CSMD1: variants seen among roughly 807,000 people sequenced by gnomAD.
CSMD1 encodes the protein CUB and Sushi multiple domains 1, also known as CUB and sushi domain-containing protein 1.
A neutral mutation model predicts 417.5 loss-of-function variants in CSMD1; 213 were observed. That is an observed-to-expected ratio of 0.51 (90% CI 0.46 to 0.57). The LOEUF (loss-of-function observed/expected upper bound fraction) is 0.57, where lower values mean the gene tolerates loss of function less well. CSMD1 is among the 20% of genes least tolerant of loss of function. The pLI is 0.00. For synonymous variants in CSMD1, 2,862 were observed against 1,736.8 expected, an observed-to-expected ratio of 1.65 and a Z score of -16.11; for missense variants, 6,923 against 4,529.7, an observed-to-expected ratio of 1.53 and a Z score of -15.17.
At chr8:3,359,016 G>T in intron 21 of CSMD1, 136 bp downstream of exon 21, 2 of 729,360 alleles carry the variant, frequency 2.7e-6, no homozygotes, top group Non-Finnish European at 4.5e-6. Context: ...CCCCTGGTTG[G>T]CAGAGTGGAG....
intron 49 of CSMD1, among the ~76,000 whole-genome samples, chr8:3,058,723 C>G (rs1228950384): frequency 6.6e-6 from 1 of 151,940 alleles, no homozygotes; most frequent in Non-Finnish European, 1.5e-5. Flanking sequence ...TTCTAACAGG[C>G]TGCGTGGTCT....
chr8:4,633,641 C>G (rs371522729), intron 2 of CSMD1, among the ~76,000 whole-genome samples: 1 of 152,138 alleles, frequency 6.6e-6, no homozygotes, highest in African/African-American at 2.4e-5. Flanking sequence ...ACTGCAACCT[C>G]CATTTCCCAG....
intron 1 of CSMD1, among the ~76,000 whole-genome samples, chr8:4,824,081 T>TA (rs1563503215): frequency 2.5e-5 from 2 of 81,004 alleles, no homozygotes; most frequent in African/African-American, 9.2e-5. Context: ...CAAATAAATA[T>TA]CCACACACAC....
intron 23 of CSMD1, 25 bp from the exon 24 acceptor site, chr8:3,308,528 G>A (rs762983194): frequency 6.3e-7 from 1 of 1,586,912 alleles, no homozygotes; most frequent in Non-Finnish European, 8.6e-7. Flanking sequence ...GGCAAGGAAT[G>A]AACAGAACTC....
chr8:3,508,790 C>T (rs994207528), intron 10 of CSMD1, among the ~76,000 whole-genome samples: 1 of 152,148 alleles, frequency 6.6e-6, no homozygotes. Flanking sequence ...CCGTAATGCT[C>T]CACCACCTAC....
At chr8:2,955,853 T>G (rs1242262812) in intron 63 of CSMD1, 85 bp from the exon 64 acceptor site, 2 of 1,226,758 alleles carry the variant, frequency 1.6e-6, no homozygotes, top group African/African-American at 3.0e-5. Flanking sequence ...TTAAAATAGT[T>G]TGGAAATGGT....
intron 1 of CSMD1, among the ~76,000 whole-genome samples, chr8:4,683,366 C>T (rs1282537306): frequency 3.9e-5 from 6 of 152,064 alleles, no homozygotes; most frequent in Non-Finnish European, 8.8e-5. Context: ...GTTCTCCAAG[C>T]CGAAACCCTC....
At chr8:3,129,715 G>A (rs113709547) in intron 41 of CSMD1, among the ~76,000 whole-genome samples, 2 of 150,272 alleles carry the variant, frequency 1.3e-5, no homozygotes, top group Non-Finnish European at 3.0e-5. Flanking sequence ...TGGGCCGGGC[G>A]GGGTGGCTCA....
intron 68 of CSMD1, among the ~76,000 whole-genome samples, chr8:2,943,028 C>T (rs1801995759): frequency 6.6e-6 from 1 of 152,082 alleles, no homozygotes; most frequent in Admixed American, 6.5e-5. Flanking sequence ...GTAAATATCC[C>T]AGTTATCCAT....
intron 5 of CSMD1, among the ~76,000 whole-genome samples, chr8:3,845,771 A>G (rs1803463940): frequency 6.6e-6 from 1 of 152,176 alleles, no homozygotes. Flanking sequence ...CATACTTTGT[A>G]CAGCTGTATA....
At chr8:4,152,749 G>C (rs1585432417) in intron 3 of CSMD1, among the ~76,000 whole-genome samples, 1 of 151,208 alleles carries the variant, frequency 6.6e-6, no homozygotes, top group African/African-American at 2.5e-5. Flanking sequence ...TACGTCCATA[G>C]TAATATATAC....
At chr8:3,413,772 T>G (rs545068404) in intron 12 of CSMD1, among the ~76,000 whole-genome samples, 1 of 152,294 alleles carries the variant, frequency 6.6e-6, no homozygotes, top group East Asian at 1.9e-4. Context: ...AAGATACTGT[T>G]GACAATGATA....
chr8:4,331,076 T>C (rs79333537), intron 3 of CSMD1, among the ~76,000 whole-genome samples: 3,514 of 152,324 alleles, frequency 0.023, 65 homozygotes, highest in South Asian at 0.066. Flanking sequence ...TTGTTTCTTA[T>C]TCTCCAATAT....
At chr8:4,727,043 T>C (rs1203576881) in intron 1 of CSMD1, among the ~76,000 whole-genome samples, 1 of 152,122 alleles carries the variant, frequency 6.6e-6, no homozygotes, top group East Asian at 1.9e-4. Flanking sequence ...CCAACTGTTT[T>C]CTAAATGGAG....
chr8:3,456,866 T>C (rs766000836), intron 12 of CSMD1, among the ~76,000 whole-genome samples: 1 of 152,116 alleles, frequency 6.6e-6, no homozygotes, highest in Non-Finnish European at 1.5e-5. Context: ...CCAGGTCTCT[T>C]GGCTAAGCTC....
chr8:4,612,271 G>T (rs1396158771), intron 2 of CSMD1, among the ~76,000 whole-genome samples: 1 of 152,184 alleles, frequency 6.6e-6, no homozygotes, highest in South Asian at 2.1e-4. Flanking sequence ...TAAATGAAGA[G>T]ATCCCAAAGC....
chr8:4,005,518 C>A (rs1349608702), intron 4 of CSMD1, among the ~76,000 whole-genome samples: 1 of 152,156 alleles, frequency 6.6e-6, no homozygotes, highest in Non-Finnish European at 1.5e-5. Context: ...GATACACTTG[C>A]CTTTCTCAAC....
rs1801242738 is a variant in CSMD1 at position 3,707,590 on chromosome 8, T to G, written c.1009+824A>C. Among the ~76,000 whole-genome samples, 3 of 152,156 alleles carry G rather than the reference T, an allele frequency of 2.0e-5. No individual in the cohort carries two copies. In the South Asian group the frequency reaches 6.2e-4, roughly 32 times the overall value. On this transcript the variant is annotated intron_variant, in intron 7 of 69. Coordinates refer to ENST00000635120, the MANE Select transcript of CSMD1 (RefSeq NM_033225.6). ...TCTCGTTTGTAAGAAAAGCAAACCC[T>G]CAGTGAAGCTGGTACCCAGTAACTG...
chr8:4,191,039 C>T (rs910898407), intron 3 of CSMD1, among the ~76,000 whole-genome samples: 2 of 152,012 alleles, frequency 1.3e-5, no homozygotes, highest in Non-Finnish European at 2.9e-5. Flanking sequence ...CAACAAACCC[C>T]CATGACACCA....
Sources: gnomAD v4.1 joint callset for allele counts (sites outside exome capture counted in the v4.1 genomes callset) on GRCh38, gnomAD v4.1.1 for gene constraint, MANE v1.5 for transcripts, NCBI Gene and HGNC (gene_info 2026-07-23, HGNC 2026-07-21) for gene names.